The following MCTP2 variants were observed in gnomAD, a reference collection of about 807,000 sequenced individuals.
The protein encoded by MCTP2 is multiple C2 and transmembrane domain containing 2.
Under a neutral mutation model 111.6 loss-of-function variants are expected in MCTP2, and 132 were observed. The ratio of observed to expected loss-of-function variants is 1.18; its 90% CI spans 1.03 to 1.37. The LOEUF is 1.37. MCTP2 is among the 40% of genes most tolerant of loss of function. The pLI, the probability that MCTP2 is intolerant of heterozygous loss-of-function variation, is 0.00. For synonymous variants in MCTP2, 395 were observed against 387.7 expected (o/e 1.02, Z -0.22); for missense variants, 1,183 against 1,067.9 (o/e 1.11, Z -1.50).
At chr15:94,276,487 C>G (rs1165563345) in intron 1 of MCTP2, among the ~76,000 whole-genome samples, 2 of 151,772 alleles carry the variant, frequency 1.3e-5, no homozygotes, top group Non-Finnish European at 2.9e-5. Flanking sequence ...GTAAGAAATT[C>G]CACTCTTACA....
chr15:94,357,826 G>C (rs1462267533), intron 9 of MCTP2, among the ~76,000 whole-genome samples: 3 of 152,096 alleles, frequency 2.0e-5, no homozygotes, highest in Non-Finnish European at 4.4e-5. Flanking sequence ...TGAAAATCCT[G>C]CCAATAAACC....
intron 14 of MCTP2, among the ~76,000 whole-genome samples, chr15:94,388,408 G>C (rs1224534627): frequency 6.6e-6 from 1 of 152,090 alleles, no homozygotes; most frequent in African/African-American, 2.4e-5. Flanking sequence ...GCATCTGTGT[G>C]GGCTCTCCCT....
At chr15:94,441,543 C>T (rs931123879) in intron 18 of MCTP2, among the ~76,000 whole-genome samples, 2 of 152,142 alleles carry the variant, frequency 1.3e-5, no homozygotes, top group African/African-American at 2.4e-5. Flanking sequence ...TGTACATATA[C>T]TGGCATACAT....
At chr15:94,290,294 A>C (rs1451724917) in intron 1 of MCTP2, among the ~76,000 whole-genome samples, 2 of 152,220 alleles carry the variant, frequency 1.3e-5, no homozygotes, top group African/African-American at 4.8e-5. Flanking sequence ...GCAATACAAA[A>C]CAAATGCAGG....
At chr15:94,279,324 A>G (rs558053201) in intron 1 of MCTP2, among the ~76,000 whole-genome samples, 18 of 152,212 alleles carry the variant, frequency 1.2e-4, no homozygotes, top group African/African-American at 3.8e-4. Context: ...TGTTGTAGAC[A>G]TCTTTCACCT....
chr15:94,287,713 C>A (rs1341684741), intron 1 of MCTP2, among the ~76,000 whole-genome samples: 1 of 152,198 alleles, frequency 6.6e-6, no homozygotes, highest in African/African-American at 2.4e-5. Flanking sequence ...CCATTCTCCT[C>A]ATTCATCAGA....
intron 1 of MCTP2, among the ~76,000 whole-genome samples, chr15:94,294,073 ATC>A (rs1449781676): frequency 5.0e-4 from 76 of 152,372 alleles, no homozygotes; most frequent in African/African-American, 1.5e-3. Context: ...AACTGGATGA[ATC>A]TCAAAGGTAA....
At chr15:94,413,565 G>A (rs1027398048) in intron 17 of MCTP2, among the ~76,000 whole-genome samples, 2 of 88,094 alleles carry the variant, frequency 2.3e-5, no homozygotes, top group Non-Finnish European at 4.2e-5. Context: ...TAGGCATGAC[G>A]CTGAGTGTGT....
At chr15:94,391,530 G>T (rs2080975727) in intron 14 of MCTP2, among the ~76,000 whole-genome samples, 2 of 152,182 alleles carry the variant, frequency 1.3e-5, no homozygotes, top group Admixed American at 1.3e-4. Context: ...TAGGTGAAAA[G>T]GAGAGAGGGA....
chr15:94,238,725 A>G (rs1040965981), intron 1 of MCTP2, among the ~76,000 whole-genome samples: 7 of 152,280 alleles, frequency 4.6e-5, no homozygotes, highest in Admixed American at 1.3e-4. Flanking sequence ...GCAGGTGGTG[A>G]GGGCCACATC....
chr15:94,381,548 C>A (rs145575781), intron 12 of MCTP2, among the ~76,000 whole-genome samples: 1 of 152,348 alleles, frequency 6.6e-6, no homozygotes, highest in East Asian at 1.9e-4. Flanking sequence ...CAGGCAGCAT[C>A]TCTGCCCTGC....
intron 1 of MCTP2, among the ~76,000 whole-genome samples, chr15:94,285,429 A>T (rs563163687): frequency 6.6e-6 from 1 of 152,358 alleles, no homozygotes; most frequent in South Asian, 2.1e-4. Flanking sequence ...CAAGTTACTG[A>T]TGCCAGGTAA....
intron 2 of MCTP2, among the ~76,000 whole-genome samples, chr15:94,312,573 A>G (rs1412353798): frequency 6.6e-6 from 1 of 152,132 alleles, no homozygotes; most frequent in Non-Finnish European, 1.5e-5. Flanking sequence ...GTCTGAAATC[A>G]CTCTTGATCC....
chr15:94,430,274 T>C (rs1241937811), intron 17 of MCTP2, among the ~76,000 whole-genome samples: 3 of 152,092 alleles, frequency 2.0e-5, no homozygotes, highest in Admixed American at 1.3e-4. Flanking sequence ...AGGCCCCTTG[T>C]GGCCAACTCC....
chr15:94,311,600 C>T (rs2076146310), intron 2 of MCTP2, among the ~76,000 whole-genome samples: 2 of 152,224 alleles, frequency 1.3e-5, no homozygotes, highest in Non-Finnish European at 2.9e-5. Flanking sequence ...TTATGGTAAT[C>T]ACTTTCCTAT....
At chr15:94,417,126 T>G (rs1368839) in intron 17 of MCTP2, among the ~76,000 whole-genome samples, 28,305 of 152,032 alleles carry the variant, frequency 0.19, 2,860 homozygotes, top group East Asian at 0.27. Flanking sequence ...CTAATTTGGG[T>G]CTACACATAT....
chr15:94,463,031 T>C (rs1246718090), intron 20 of MCTP2, among the ~76,000 whole-genome samples: 1 of 152,174 alleles, frequency 6.6e-6, no homozygotes, highest in African/African-American at 2.4e-5. Context: ...GGAAAATGCA[T>C]TAGTCAACTG....
At chr15:94,413,424 A>G (rs896145622) in intron 17 of MCTP2, among the ~76,000 whole-genome samples, 1 of 151,810 alleles carries the variant, frequency 6.6e-6, no homozygotes, top group Non-Finnish European at 1.5e-5. Context: ...GAAAATAACC[A>G]TTTTAAGGCT....
intron 1 of MCTP2, among the ~76,000 whole-genome samples, chr15:94,243,560 C>T (rs1394521819): frequency 1.4e-5 from 2 of 146,278 alleles, no homozygotes; most frequent in East Asian, 2.0e-4. Context: ...TGCGTATATG[C>T]GTATGTACAT....
Sources: allele counts gnomAD v4.1 joint callset (sites outside exome capture counted in the v4.1 genomes callset), GRCh38; gene constraint gnomAD v4.1.1; transcripts MANE v1.5; gene names NCBI Gene and HGNC (gene_info 2026-07-23, HGNC 2026-07-21).